PHKB: variants seen among roughly 807,000 people sequenced by gnomAD.
The protein encoded by PHKB is phosphorylase b kinase regulatory subunit beta.
Under a neutral mutation model 152.1 loss-of-function variants are expected in PHKB, and 122 were observed. The ratio of observed to expected loss-of-function variants is 0.80; its 90% CI spans 0.69 to 0.93. The LOEUF (loss-of-function observed/expected upper bound fraction) is 0.93, where lower values mean the gene tolerates loss of function less well. Among genes scored for constraint, PHKB ranks in the 40% least tolerant of loss-of-function variants. PHKB has a pLI of 0.00. For missense variants in PHKB, 1,304 were observed against 1,328.4 expected (o/e 0.98, Z 0.29); for synonymous variants, 436 against 464.9 (o/e 0.94, Z 0.80).
At chr16:47,586,298 C>G (rs978098329) in intron 8 of PHKB, among the ~76,000 whole-genome samples, 1 of 152,202 alleles carries the variant, frequency 6.6e-6, no homozygotes, top group African/African-American at 2.4e-5. Flanking sequence ...TTCCTGAAAG[C>G]AGAGTGCACA....
intron 1 of PHKB, among the ~76,000 whole-genome samples, chr16:47,491,661 T>C (rs1161355281): frequency 6.6e-6 from 1 of 151,910 alleles, no homozygotes; most frequent in Non-Finnish European, 1.5e-5. Context: ...GCAAGACCTT[T>C]CATTTGCCAG....
chr16:47,630,182 A>G (rs1972800814), intron 14 of PHKB, among the ~76,000 whole-genome samples: 1 of 152,190 alleles, frequency 6.6e-6, no homozygotes. Context: ...ATAAAAAAAA[A>G]GAACTAAAGA....
chr16:47,520,424 C>T (rs1970666355), intron 6 of PHKB, among the ~76,000 whole-genome samples: 1 of 152,144 alleles, frequency 6.6e-6, no homozygotes, highest in Non-Finnish European at 1.5e-5. Flanking sequence ...TGCAGAGAGC[C>T]ACTAAGTGGC....
intron 16 of PHKB, among the ~76,000 whole-genome samples, chr16:47,647,051 C>G (rs992287972): frequency 2.0e-4 from 31 of 152,054 alleles, no homozygotes; most frequent in Admixed American, 7.9e-4. Flanking sequence ...CACTGTGGCA[C>G]CCTTCCCTAT....
chr16:47,463,061 T>C (rs1265804630), intron 1 of PHKB: 3 of 152,658 alleles, frequency 2.0e-5, no homozygotes, highest in Non-Finnish European at 4.4e-5. Flanking sequence ...GGATTGGTTA[T>C]GTCTGAACAA....
Position 47,596,513 on chromosome 16 carries a change from A to G in PHKB, c.1345A>G (p.Ile449Val), listed in dbSNP as rs1319015817. 3.1e-6 allele frequency: 5 copies of G among 1,613,852 alleles called. No homozygotes were observed. Among genetic ancestry groups the G allele is most frequent in the East Asian group, 2.2e-5 (1 of 44,854 alleles). The change falls in exon 13 of 31, where the codon ATC becomes GTC. Residue 449 changes from isoleucine (I) to valine (V), a missense_variant. Ile to Val is a conservative substitution (Grantham distance 29). Transcript: ENST00000323584. ...KLFLWGQALY[I>V]IAKLLADELI... ...GTTTCTTTGGGGACAAGCACTTTAT[A>G]TCATCGCAAAACTCCTGGGTAAGTG...
At chr16:47,630,363 T>C (rs767176737) in intron 14 of PHKB, among the ~76,000 whole-genome samples, 5 of 151,714 alleles carry the variant, frequency 3.3e-5, no homozygotes, top group Non-Finnish European at 7.4e-5. Context: ...ATGCCTGTAA[T>C]CCCAGCTACT....
chr16:47,547,501 G>T lies in PHKB; in HGVS notation c.663G>T (p.Trp221Cys). The T allele has an allele frequency of 6.2e-7, 1 of 1,612,906 alleles. No individual in the cohort carries two copies. Among genetic ancestry groups the T allele is most frequent in the Non-Finnish European group, 8.5e-7 (1 of 1,179,020 alleles). ...ACCGTGTGCCTGACTTTGGTGTCTG[G>T]GAAAGAGGAAGCAAATATAATAATG... ...RVYRVPDFGVWERGSKYNNGS... is the reference protein window; with the variant it reads ...RVYRVPDFGVCERGSKYNNGS... Residue 221 changes from tryptophan (W) to cysteine (C), a missense_variant, in exon 7 of 31, where the codon TGG (tryptophan) becomes TGT (cysteine). Transcript: ENST00000323584.
intron 6 of PHKB, among the ~76,000 whole-genome samples, chr16:47,531,142 T>TTA (rs1970854549): frequency 6.6e-6 from 1 of 152,192 alleles, no homozygotes; most frequent in Non-Finnish European, 1.5e-5. Flanking sequence ...ATGACTTATA[T>TTA]ACACCCCCTC....
At chr16:47,622,805 T>C (rs903295313) in intron 14 of PHKB, among the ~76,000 whole-genome samples, 17 of 152,236 alleles carry the variant, frequency 1.1e-4, no homozygotes, top group Non-Finnish European at 1.9e-4. Flanking sequence ...TGCTAAATCA[T>C]GTACATATTT....
intron 1 of PHKB, among the ~76,000 whole-genome samples, chr16:47,489,835 T>A (rs1276816262): frequency 6.6e-6 from 1 of 152,218 alleles, no homozygotes; most frequent in Non-Finnish European, 1.5e-5. Context: ...TTTCTCCAAT[T>A]GTGTCCTGCT....
At position 47,669,385 on chromosome 16, in the gene PHKB, G is replaced by C; in HGVS notation, c.2598G>C (p.Glu866Asp). The C allele has an allele frequency of 6.2e-7, 1 of 1,614,126 alleles. No individual in the cohort carries two copies. Among genetic ancestry groups the C allele is most frequent in the Non-Finnish European group, 8.5e-7 (1 of 1,179,992 alleles). Reference sequence around the variant, plus strand: ...GCTGGATCATCTCCAATAACCCTGAGTTATTCAGTGGCATGCTGAAAATAC... The same window carrying C: ...GCTGGATCATCTCCAATAACCCTGACTTATTCAGTGGCATGCTGAAAATAC... The part of the protein sequence containing the change: ...HIGWIISNNP[E>D]LFSGMLKIRI... The change falls in exon 26 of 31, where the codon GAG becomes GAC. Residue 866 changes from glutamate (E) to aspartate (D), a missense_variant. By Grantham distance (45) the Glu-to-Asp change is conservative. Transcript: ENST00000323584.
chr16:47,615,244 C>G (rs1045427363), intron 14 of PHKB, among the ~76,000 whole-genome samples: 1 of 152,110 alleles, frequency 6.6e-6, no homozygotes, highest in African/African-American at 2.4e-5. Flanking sequence ...GAGCAGGGGT[C>G]GAGTAGACCT....
chr16:47,526,941 A>C (rs900927604), intron 6 of PHKB, among the ~76,000 whole-genome samples: 1 of 152,184 alleles, frequency 6.6e-6, no homozygotes, highest in African/African-American at 2.4e-5. Flanking sequence ...CTTTTCCTCA[A>C]GGCAGAAGAC....
chr16:47,502,796 A>G (rs1970344378), intron 3 of PHKB, among the ~76,000 whole-genome samples, 195 bp from the exon 4 acceptor site: 1 of 152,190 alleles, frequency 6.6e-6, no homozygotes, highest in African/African-American at 2.4e-5. Context: ...AATCTGCCTA[A>G]GTTTCATCAT....
chr16:47,686,344 T>C (rs1726640527), intron 26 of PHKB, among the ~76,000 whole-genome samples: 2 of 152,232 alleles, frequency 1.3e-5, no homozygotes, highest in Admixed American at 6.5e-5. Flanking sequence ...AGAAGATACC[T>C]CCTGAAGTTA....
At chr16:47,609,584 T>A (rs1424643769) in intron 13 of PHKB, among the ~76,000 whole-genome samples, 2 of 151,782 alleles carry the variant, frequency 1.3e-5, no homozygotes, top group Non-Finnish European at 2.9e-5. Context: ...TGTGTAAAGT[T>A]TCAATCACTT....
chr16:47,620,887 A>T (rs1972605791), intron 14 of PHKB, among the ~76,000 whole-genome samples: 1 of 151,960 alleles, frequency 6.6e-6, no homozygotes, highest in Admixed American at 6.5e-5. Flanking sequence ...AAAATAAAAA[A>T]TATAAAAAAA....
At chr16:47,619,462 A>AT (rs1840117351) in intron 14 of PHKB, 1 of 152,180 alleles carries the variant, frequency 6.6e-6, no homozygotes, top group Non-Finnish European at 1.5e-5. Context: ...CATCATGTTA[A>AT]TTATTTCCTT....
Sources: allele counts gnomAD v4.1 joint callset (sites outside exome capture counted in the v4.1 genomes callset), GRCh38; gene constraint gnomAD v4.1.1; transcripts MANE v1.5; gene names NCBI Gene and HGNC (gene_info 2026-07-23, HGNC 2026-07-21).